The following PTCH1 variants were observed in gnomAD, a reference collection of about 807,000 sequenced individuals.
PTCH1 encodes the protein patched 1, also known as protein patched homolog 1.
In PTCH1, 14 loss-of-function variants were observed where a neutral mutation model predicts 144.6. That is an observed-to-expected ratio of 0.10 (90% confidence interval 0.06 to 0.15). PTCH1 has a LOEUF of 0.15. Ranked by LOEUF, PTCH1 falls within the 10% of genes least tolerant of loss-of-function variation. The pLI is 1.00. For missense variants in PTCH1, 1,623 were observed against 1,948.3 expected (o/e 0.83, Z 3.14); for synonymous variants, 833 against 793.6 (o/e 1.05, Z -0.83).
At chr9:95,456,176 C>T (rs2136645569) in intron 19 of PTCH1, 100 bp downstream of exon 19, 1 of 1,541,204 alleles carries the variant, frequency 6.5e-7, no homozygotes, top group South Asian at 1.2e-5. Context: ...TTTTCACTGC[C>T]ACGCACAGGG....
At position 95,478,985 on chromosome 9, in the gene PTCH1, C is replaced by T. The variant is rs781602634; in HGVS notation, c.1215+15G>A. On this transcript the variant is annotated intron_variant, in intron 8 of 23. Coordinates refer to ENST00000331920, the MANE Select transcript of PTCH1 (RefSeq NM_000264.5). ...TAACCAGCGAGTCTGCACGCCGATT[C>T]GAAGGTGGGTTTACCTCCACATATG... 2.3e-5 allele frequency: 37 copies of T among 1,614,014 alleles called. 1 individual carries two copies. Among genetic ancestry groups the T allele is most frequent in the African/African-American group, 1.6e-4 (12 of 74,914 alleles).
In PTCH1 at chr9:95,476,258, T is replaced by C. The variant is rs931011640; in HGVS notation, c.1603-99A>G. 5.3e-6 allele frequency: 8 copies of C among 1,501,812 alleles called. No individual in the cohort carries two copies. The Admixed American group carries it at 1.6e-4, about 29-fold the overall frequency. 93.0% of individuals were successfully genotyped at this position (1,501,812 alleles called of 1,614,324 possible). A position where few individuals can be genotyped will look rare whatever the true frequency, so the allele number is the denominator to read the frequency against. ...ATACGTGGCAGAATAACACAACTGTTATTACAGCTTATCATGCTGGCATTA... is the reference window on the plus strand; with the variant it reads ...ATACGTGGCAGAATAACACAACTGTCATTACAGCTTATCATGCTGGCATTA... On this transcript the variant is annotated intron_variant, in intron 11 of 23. Transcript: ENST00000331920. The surrounding 1 kb of genome is among the most constrained non-coding windows in gnomAD (Gnocchi z 4.6).
intron 2 of PTCH1, among the ~76,000 whole-genome samples, chr9:95,499,385 T>C (rs1284899077): frequency 6.6e-6 from 1 of 150,764 alleles, no homozygotes; most frequent in Non-Finnish European, 1.5e-5. Flanking sequence ...TCCTCTTAGG[T>C]TGTGATTAGC....
chr9:95,509,391 T>C, upstream of PTCH1, among the ~76,000 whole-genome samples: 1 of 152,150 alleles, frequency 6.6e-6, no homozygotes, highest in East Asian at 1.9e-4. Context: ...CAAACATGAC[T>C]ATTATTAGCT....
At chr9:95,464,946 T>C (rs535138268) in intron 15 of PTCH1, among the ~76,000 whole-genome samples, 5 of 152,274 alleles carry the variant, frequency 3.3e-5, no homozygotes, top group Non-Finnish European at 5.9e-5. Flanking sequence ...CTGTGTTGAG[T>C]GCTCTAGCGG....
At chr9:95,511,551 G>T (rs900308824), upstream of PTCH1, among the ~76,000 whole-genome samples, 1 of 152,176 alleles carries the variant, frequency 6.6e-6, no homozygotes, top group African/African-American at 2.4e-5. Flanking sequence ...AACTCAGACC[G>T]CTTAAGGAGC....
At chr9:95,513,621 G>C (rs541957686), upstream of PTCH1, among the ~76,000 whole-genome samples, 2 of 152,182 alleles carry the variant, frequency 1.3e-5, no homozygotes, top group African/African-American at 4.8e-5. Flanking sequence ...CATTTTCTTG[G>C]CTCCCTAAGA....
chr9:95,449,043 C>G lies in PTCH1; in HGVS notation c.3804+26G>C. The G allele has an allele frequency of 6.2e-7, 1 of 1,612,994 alleles. No homozygotes were observed. Among genetic ancestry groups the G allele is most frequent in the African/African-American group, 1.3e-5 (1 of 75,056 alleles). Reference sequence around the variant, plus strand: ...CCACTACCACGGTGGGAAGACCCCTCCCCCTGGTTCTGCAGAGTCACTTAC... The same window carrying G: ...CCACTACCACGGTGGGAAGACCCCTGCCCCTGGTTCTGCAGAGTCACTTAC... On this transcript the variant is annotated intron_variant, in intron 22 of 23. Transcript: ENST00000331920. The surrounding 1 kb of genome is among the most constrained non-coding windows in gnomAD (Gnocchi z 5.3).
intron 1 of PTCH1, chr9:95,507,960 C>T: frequency 3.4e-6 from 5 of 1,473,270 alleles, no homozygotes; most frequent in Non-Finnish European, 4.5e-6. Context: ...CCTCAGACAG[C>T]CCTTTCCTCC....
intron 3 of PTCH1, chr9:95,482,601 A>G (rs1841637829): frequency 1.3e-5 from 4 of 298,410 alleles, no homozygotes; most frequent in South Asian, 1.3e-4. Context: ...ACACATACTC[A>G]GGTGCGGAGA....
At chr9:95,465,953 G>C (rs1839960120) in intron 15 of PTCH1, among the ~76,000 whole-genome samples, 1 of 152,198 alleles carries the variant, frequency 6.6e-6, no homozygotes, top group African/African-American at 2.4e-5. Context: ...CGTGCAGTCG[G>C]TCAGGAGAAA....
chr9:95,468,759 T>C lies in PTCH1; in HGVS notation c.2242A>G (p.Lys748Glu), dbSNP rs2118021731. 1 of 1,614,176 alleles carries C rather than the reference T, an allele frequency of 6.2e-7. No homozygotes were observed. The highest frequency in any genetic ancestry group is 1.1e-5 in the South Asian group (1 of 91,058). The change falls in exon 14 of 24, where the codon AAA (lysine) becomes GAA (glutamate). Residue 748 changes from lysine (K) to glutamate (E), a missense_variant. Coordinates refer to ENST00000331920, the MANE Select transcript of PTCH1 (RefSeq NM_000264.5). Reference protein sequence around the residue: ...KHYAPFLLKPKAKVVVIFLFL... With the variant: ...KHYAPFLLKPEAKVVVIFLFL... ...AAGTTGTGGCAGATTACCTTGGCTT[T>C]TGGTTTCAAGAGGAAAGGAGCATAG...
chr9:95,457,911 A>AC, intron 18 of PTCH1, 102 bp downstream of exon 18: 1 of 1,456,876 alleles, frequency 6.9e-7, no homozygotes, highest in Non-Finnish European at 9.6e-7. Context: ...TGCAAGCTAT[A>AC]CCCTCCTCCA....
rs1837656776 is a variant in PTCH1 at position 95,443,767 on chromosome 9, TATAA to T, written c.*2622_*2625del. ...TGTACACTACAAAAATAAATCTTCATATAAATAAATTATATGGCATACTTTTATC... is the reference window on the plus strand; with the variant it reads ...TGTACACTACAAAAATAAATCTTCATATAAATTATATGGCATACTTTTATC... On this transcript the variant is annotated 3_prime_UTR_variant, in exon 24 of 24. Transcript: ENST00000331920. The T allele has an allele frequency of 6.6e-6, 1 of 152,650 alleles. No individual in the cohort carries two copies. Among genetic ancestry groups the T allele is most frequent in the Non-Finnish European group, 1.5e-5 (1 of 68,048 alleles). The allele number at this position is 152,650 out of a possible 1,614,324, so 9.5% of individuals were successfully genotyped here. A position where few individuals can be genotyped will look rare whatever the true frequency, so the allele number is the denominator to read the frequency against.
intron 15 of PTCH1, among the ~76,000 whole-genome samples, chr9:95,463,058 AG>A (rs1490161022): frequency 4.6e-5 from 6 of 129,228 alleles, no homozygotes; most frequent in Non-Finnish European, 9.4e-5. Flanking sequence ...CCAGCAGCTC[AG>A]GAAACCACAG....
In PTCH1 at chr9:95,446,905, A is replaced by G. The variant is rs1478955640; in HGVS notation, c.*1+6T>C. ...TCCCTTGGCTGCCCTTGTCAGTGGC[A>G]CTCACCTCAGTTGGAGCTGCTTCCC... On this transcript the variant is annotated splice_donor_region_variant and intron_variant, in intron 23 of 23. Transcript: ENST00000331920. The G allele has an allele frequency of 6.2e-7, 1 of 1,613,580 alleles. No homozygotes were observed. Among genetic ancestry groups the G allele is most frequent in the East Asian group, 2.2e-5 (1 of 44,856 alleles).
In PTCH1 at chr9:95,447,312, G is replaced by A. The variant is rs357564; in HGVS notation, c.3944C>T (p.Pro1315Leu). Residue 1315 changes from proline to leucine, a missense_variant, in exon 23 of 24, where the codon CCC becomes CTC. By Grantham distance (98) the Pro-to-Leu change is moderately conservative. Around this residue, in one of 7 missense-constraint regions of PTCH1, gnomAD observed 291 missense variants for 287.4 expected, o/e 1.01. Transcript: ENST00000331920. Reference sequence around the variant, plus strand: ...AAAAGCGTCTCTGCGCGGTCTGTAGGGGGGTGGCCACAAGCCTTCTCTGGG... The same window carrying A: ...AAAAGCGTCTCTGCGCGGTCTGTAGAGGGGTGGCCACAAGCCTTCTCTGGG... ...DPPREGLWPP[P>L]YRPRRDAFEI... 0.35 allele frequency: 569,723 copies of A among 1,612,980 alleles called. 103,984 individuals are homozygous for A. The highest frequency in any genetic ancestry group is 0.58 in the East Asian group (26,041 of 44,812).
chr9:95,506,666 G>C, intron 1 of PTCH1, 67 bp from the exon 2 acceptor site: 1 of 1,427,870 alleles, frequency 7.0e-7, no homozygotes, highest in Non-Finnish European at 9.2e-7. Context: ...ACGCCCGCTT[G>C]CGCGCACCCG....
chr9:95,507,367 C>T (rs991270766), intron 1 of PTCH1: 5 of 985,368 alleles, frequency 5.1e-6, no homozygotes, highest in South Asian at 9.4e-5. Context: ...CGCGGCATTT[C>T]CCCGGCGCTG....
Sources: gnomAD v4.1 joint callset for allele counts (sites outside exome capture counted in the v4.1 genomes callset) on GRCh38, gnomAD v4.1.1 for gene constraint, gnomAD v4.1.1 regional missense constraint, Gnocchi (gnomAD v3.1) non-coding constraint, MANE v1.5 for transcripts, NCBI Gene and HGNC (gene_info 2026-07-23, HGNC 2026-07-21) for gene names.